Variants in CUX1 observed in about 807,000 individuals in gnomAD.
CUX1 encodes cut like homeobox 1, also known as protein CASP.
Under a neutral mutation model 158.8 loss-of-function variants are expected in CUX1, and 31 were observed. The ratio of observed to expected loss-of-function variants is 0.20; its 90% CI spans 0.15 to 0.26. The LOEUF is 0.26. CUX1 is among the 10% of genes least tolerant of loss of function. The probability of loss-of-function intolerance (pLI) is 1.00; values close to 1 mark genes in which losing one functional copy is unlikely to be tolerated. For synonymous variants in CUX1, 879 were observed against 862.1 expected (o/e 1.02, Z -0.34); for missense variants, 1,589 against 2,014.6 (o/e 0.79, Z 4.04).
intron 2 of CUX1, among the ~76,000 whole-genome samples, chr7:101,996,097 A>T (rs1815839368): frequency 6.6e-6 from 1 of 151,142 alleles, no homozygotes. Flanking sequence ...GGCAACAAAG[A>T]GCAAAACTCC....
chr7:102,248,968 G>T lies in CUX1; in HGVS notation c.4444G>T (p.Ala1482Ser), dbSNP rs1554538457. 2 of 1,477,086 alleles carry T rather than the reference G, an allele frequency of 1.4e-6. No individual in the cohort carries two copies. Among genetic ancestry groups the T allele is most frequent in the Non-Finnish European group, 9.0e-7 (1 of 1,107,944 alleles). 91.5% of individuals were successfully genotyped at this position (1,477,086 alleles called of 1,614,324 possible). Residue 1482 changes from alanine (A) to serine (S), a missense_variant, in exon 24 of 24, where the codon GCG becomes TCG. Transcript: ENST00000292535. The surrounding 1 kb of genome is among the most constrained non-coding windows in gnomAD (Gnocchi z 5.8). ...CAACCCCCTGCGCAAGAAGAAGGCCGCGAACTTGAACAGCATCATCCACCG... is the reference window on the plus strand; with the variant it reads ...CAACCCCCTGCGCAAGAAGAAGGCCTCGAACTTGAACAGCATCATCCACCG... ...RDNPLRKKKAANLNSIIHRLE... is the reference protein window; with the variant it reads ...RDNPLRKKKASNLNSIIHRLE...
At chr7:102,013,415 C>G (rs773810107) in intron 2 of CUX1, among the ~76,000 whole-genome samples, 2 of 152,170 alleles carry the variant, frequency 1.3e-5, no homozygotes, top group Admixed American at 1.3e-4. Flanking sequence ...AACTGTATTT[C>G]TTTCCTAAAT....
intron 2 of CUX1, among the ~76,000 whole-genome samples, chr7:101,965,622 C>T (rs927524260): frequency 9.9e-5 from 15 of 151,688 alleles, no homozygotes; most frequent in Non-Finnish European, 1.8e-4. Flanking sequence ...CCGAGGTGGG[C>T]GGATCACGAG....
At chr7:102,211,172 G>A (rs781992775) in intron 20 of CUX1, among the ~76,000 whole-genome samples, 3 of 152,168 alleles carry the variant, frequency 2.0e-5, no homozygotes, top group African/African-American at 4.8e-5. Flanking sequence ...GGGGCCAGGC[G>A]CGGTGGCTCA....
intron 2 of CUX1, among the ~76,000 whole-genome samples, chr7:101,952,872 C>G (rs1171276860): frequency 1.3e-5 from 2 of 152,234 alleles, no homozygotes; most frequent in Non-Finnish European, 2.9e-5. Context: ...TGTGTGTCCT[C>G]TGCGGTCACT....
chr7:101,894,563 C>T (rs747741494), intron 1 of CUX1, among the ~76,000 whole-genome samples: 2 of 152,186 alleles, frequency 1.3e-5, no homozygotes, highest in Non-Finnish European at 2.9e-5. Context: ...CCACCCGCCT[C>T]GGCCTCCCAA....
intron 1 of CUX1, among the ~76,000 whole-genome samples, chr7:101,852,493 C>A (rs564794354): frequency 2.0e-5 from 3 of 151,940 alleles, no homozygotes; most frequent in African/African-American, 7.2e-5. Context: ...TGGCACACAC[C>A]TGTAGTCCCA....
intron 4 of CUX1, among the ~76,000 whole-genome samples, chr7:102,088,245 G>C (rs1828155084): frequency 6.6e-6 from 1 of 152,124 alleles, no homozygotes; most frequent in Admixed American, 6.5e-5. Context: ...TGATCTGCCT[G>C]CCTTGGCTTC....
chr7:101,988,859 T>C (rs1055633928), intron 2 of CUX1, among the ~76,000 whole-genome samples: 28 of 151,882 alleles, frequency 1.8e-4, no homozygotes, highest in Non-Finnish European at 3.1e-4. Flanking sequence ...TTTAGCCAAG[T>C]GTGGTGGCAT....
At chr7:102,090,258 C>CA (rs1466254456) in intron 4 of CUX1, among the ~76,000 whole-genome samples, 5 of 152,040 alleles carry the variant, frequency 3.3e-5, no homozygotes, top group Admixed American at 2.6e-4. Flanking sequence ...TGCTTGGAAT[C>CA]AGAGTGTTTT....
chr7:102,168,918 C>CTTTTTTTT (rs1239519322), intron 9 of CUX1, among the ~76,000 whole-genome samples: 37 of 84,122 alleles, frequency 4.4e-4, no homozygotes, highest in African/African-American at 7.6e-4. Context: ...CTTTTATTTT[C>CTTTTTTTT]TTTTCTTTTC....
intron 2 of CUX1, among the ~76,000 whole-genome samples, chr7:102,021,496 C>T (rs1449956847): frequency 6.6e-6 from 1 of 151,940 alleles, no homozygotes; most frequent in Non-Finnish European, 1.5e-5. Context: ...TTTCTAGAGA[C>T]GGGATTTCAC....
chr7:101,901,233 A>C (rs1354319645), intron 1 of CUX1, among the ~76,000 whole-genome samples: 3 of 152,062 alleles, frequency 2.0e-5, no homozygotes, highest in Non-Finnish European at 4.4e-5. Context: ...AGGGCTATAC[A>C]AAAAATCACC....
intron 2 of CUX1, among the ~76,000 whole-genome samples, chr7:102,021,846 C>G (rs576055117): frequency 1.2e-4 from 19 of 152,236 alleles, no homozygotes; most frequent in African/African-American, 4.6e-4. Flanking sequence ...CAGGTGTGAG[C>G]CACCACACCC....
chr7:101,864,033 T>C (rs897580778), intron 1 of CUX1, among the ~76,000 whole-genome samples: 1 of 152,194 alleles, frequency 6.6e-6, no homozygotes, highest in Non-Finnish European at 1.5e-5. Context: ...CAAGACCCAG[T>C]TTTCGTTTCT....
intron 3 of CUX1, among the ~76,000 whole-genome samples, chr7:102,055,272 T>G (rs899577531): frequency 1.3e-5 from 2 of 152,236 alleles, no homozygotes; most frequent in African/African-American, 4.8e-5. Context: ...GACAAATGTT[T>G]TTTTACAGGG....
At position 101,880,776 on chromosome 7, in the gene CUX1, C is replaced by T. The variant is rs147468169; in HGVS notation, c.31-35339C>T. Reference sequence around the variant, plus strand: ...CAAAGAAGACCAGGTTTTGGAAAGACGGTGGGGTTCACGTGATGAAACACA... The same window carrying T: ...CAAAGAAGACCAGGTTTTGGAAAGATGGTGGGGTTCACGTGATGAAACACA... On this transcript the variant is annotated intron_variant, in intron 1 of 23. Transcript: ENST00000292535. Among the ~76,000 whole-genome samples the T allele has an allele frequency of 2.6e-4, 39 of 152,268 alleles. No individual in the cohort carries two copies. In the East Asian group the frequency reaches 7.1e-3, roughly 28 times the overall value.
intron 1 of CUX1, among the ~76,000 whole-genome samples, chr7:101,892,350 T>TA (rs1230329927): frequency 6.6e-5 from 10 of 152,338 alleles, no homozygotes; most frequent in Non-Finnish European, 4.4e-5. Context: ...AAGAAAATGT[T>TA]ACCTCCTTCA....
chr7:101,850,303 T>C (rs983013913), intron 1 of CUX1, among the ~76,000 whole-genome samples: 1 of 152,106 alleles, frequency 6.6e-6, no homozygotes, highest in African/African-American at 2.4e-5. Context: ...ATTTTTCATT[T>C]GTTAATCAAC....
Sources: allele counts gnomAD v4.1 joint callset (sites outside exome capture counted in the v4.1 genomes callset), GRCh38; gene constraint gnomAD v4.1.1; non-coding constraint Gnocchi (gnomAD v3.1); transcripts MANE v1.5; gene names NCBI Gene and HGNC (gene_info 2026-07-23, HGNC 2026-07-21).